ZYG11B: variants seen among roughly 807,000 people sequenced by gnomAD.
The protein encoded by ZYG11B is zyg-11 family member B, cell cycle regulator, also known as protein zyg-11 homolog B.
ZYG11B carries 36 observed loss-of-function variants against 82.4 expected under a neutral mutation model. The ratio of observed to expected loss-of-function variants is 0.44; its 90% CI spans 0.33 to 0.58. ZYG11B has a LOEUF of 0.58. ZYG11B is among the 20% of genes least tolerant of loss of function. The pLI is 0.02. For missense variants in ZYG11B, 552 were observed against 895.6 expected (o/e 0.62, Z 4.90); for synonymous variants, 303 against 312.8 (o/e 0.97, Z 0.33).
At position 52,823,746 on chromosome 1, in the gene ZYG11B, A is replaced by G. The variant is rs951673139; in HGVS notation, c.*2117A>G. 6.6e-6 allele frequency: 1 copy of G among 152,200 alleles called. No homozygotes were observed. Among genetic ancestry groups the G allele is most frequent in the Non-Finnish European group, 1.5e-5 (1 of 68,042 alleles). 9.4% of individuals were successfully genotyped at this position (152,200 alleles called of 1,614,324 possible). A position where few individuals can be genotyped will look rare whatever the true frequency, so the allele number is the denominator to read the frequency against. ...CTAATGCTAGGTTTTTGTCTTTACA[A>G]ATTATTTTCAGAAATGGCTAAAAGT... On this transcript the variant is annotated 3_prime_UTR_variant, in exon 14 of 14. Transcript: ENST00000294353.
At chr1:52,816,396 A>G in intron 12 of ZYG11B, 136 bp from the exon 13 acceptor site, 1 of 626,742 alleles carries the variant, frequency 1.6e-6, no homozygotes, top group Non-Finnish European at 2.8e-6. Context: ...CAAAGAAATG[A>G]TATTCTATAG....
chr1:52,757,835 A>G (rs12036764), intron 2 of ZYG11B, among the ~76,000 whole-genome samples: 15,991 of 152,124 alleles, frequency 0.11, 1,880 homozygotes, highest in East Asian at 0.35. Context: ...CTGAAAATCA[A>G]CTGGGAAGCT....
At chr1:52,815,858 C>T (rs1421550174) in intron 12 of ZYG11B, among the ~76,000 whole-genome samples, 2 of 151,876 alleles carry the variant, frequency 1.3e-5, no homozygotes, top group African/African-American at 4.8e-5. Context: ...TGCCGTGAAC[C>T]CAGGAGGCGG....
rs1645286673 is a variant in ZYG11B, at chr1:52,821,813, T to TTA, written c.*184_*185insTA. 2.1e-6 allele frequency: 1 copy of TTA among 484,014 alleles called. No homozygotes were observed. The highest frequency in any genetic ancestry group is 1.9e-5 in the African/African-American group (1 of 51,316). The allele number at this position is 484,014 out of a possible 1,614,324, so 30.0% of individuals were successfully genotyped here. On this transcript the variant is annotated 3_prime_UTR_variant, in exon 14 of 14. Coordinates refer to ENST00000294353, the MANE Select transcript of ZYG11B (RefSeq NM_024646.3). ...CTAATTTGTCTTGTGATTTTAAACT[T>TTA]ATGAGTCAAGAAGGGTCTCTTCCTT...
At chr1:52,728,293 G>A (rs1644301679) in intron 1 of ZYG11B, among the ~76,000 whole-genome samples, 1 of 152,174 alleles carries the variant, frequency 6.6e-6, no homozygotes, top group African/African-American at 2.4e-5. Context: ...ATCTTGCTCT[G>A]TGGCCCAGGC....
chr1:52,750,220 C>T (rs1558120723), intron 1 of ZYG11B, among the ~76,000 whole-genome samples: 1 of 151,660 alleles, frequency 6.6e-6, no homozygotes, highest in Admixed American at 6.6e-5. Flanking sequence ...GCCTCAGCCT[C>T]CCAAAATGCT....
chr1:52,811,751 C>G (rs186231787), intron 10 of ZYG11B, among the ~76,000 whole-genome samples: 168 of 152,066 alleles, frequency 1.1e-3, no homozygotes, highest in African/African-American at 3.9e-3. Context: ...TTTAGGTTGG[C>G]CAGGCGCGGT....
At chr1:52,767,361 A>G (rs1231508578) in intron 2 of ZYG11B, among the ~76,000 whole-genome samples, 2 of 151,554 alleles carry the variant, frequency 1.3e-5, no homozygotes, top group East Asian at 1.9e-4. Flanking sequence ...CCGGAGTGCA[A>G]TGGTGCGATC....
intron 8 of ZYG11B, among the ~76,000 whole-genome samples, chr1:52,800,235 C>T (rs1046893396): frequency 1.3e-5 from 2 of 148,372 alleles, no homozygotes; most frequent in Non-Finnish European, 3.0e-5. Context: ...ATAATTGTGT[C>T]ACTGCACTCC....
intron 2 of ZYG11B, among the ~76,000 whole-genome samples, chr1:52,759,351 ATAG>A (rs1644607162): frequency 6.6e-6 from 1 of 152,234 alleles, no homozygotes. Context: ...CTGCTAGCTA[ATAG>A]TAGTAGTTAA....
chr1:52,760,094 A>C (rs1644614623), intron 2 of ZYG11B, among the ~76,000 whole-genome samples: 3 of 152,104 alleles, frequency 2.0e-5, no homozygotes, highest in Admixed American at 2.0e-4. Context: ...AGGCCTTCGA[A>C]AGTGCTGGGA....
chr1:52,797,177 T>C (rs1449514884), intron 8 of ZYG11B, among the ~76,000 whole-genome samples: 4 of 79,164 alleles, frequency 5.1e-5, no homozygotes, highest in Non-Finnish European at 8.4e-5. Context: ...ATATTATATA[T>C]ATTTATATAT....
At chr1:52,762,983 G>T (rs944771926) in intron 2 of ZYG11B, among the ~76,000 whole-genome samples, 20 of 141,404 alleles carry the variant, frequency 1.4e-4, no homozygotes, top group East Asian at 1.4e-3. Flanking sequence ...GATTGGGGGG[G>T]GGGGGTCTAG....
chr1:52,760,997 A>G (rs1395713361), intron 2 of ZYG11B, among the ~76,000 whole-genome samples: 2 of 152,108 alleles, frequency 1.3e-5, no homozygotes, highest in Non-Finnish European at 2.9e-5. Context: ...TCCTGACATC[A>G]AATGATGCAC....
At chr1:52,804,327 C>T (rs1036382312) in intron 10 of ZYG11B, among the ~76,000 whole-genome samples, 8 of 151,842 alleles carry the variant, frequency 5.3e-5, no homozygotes, top group Non-Finnish European at 1.2e-4. Context: ...AGACTGCTTA[C>T]GAAGGCCGAG....
chr1:52,726,762 GC>G, intron 1 of ZYG11B, 79 bp downstream of exon 1: 2 of 1,348,794 alleles, frequency 1.5e-6, no homozygotes, highest in Admixed American at 3.4e-5. Flanking sequence ...CTGCGGTCTT[GC>G]CCCTCCCTGT....
intron 1 of ZYG11B, among the ~76,000 whole-genome samples, chr1:52,738,985 C>CTTTT (rs10643364): frequency 9.4e-6 from 1 of 106,280 alleles, no homozygotes; most frequent in Admixed American, 1.2e-4. Flanking sequence ...GCCCTGTAAC[C>CTTTT]TTTTTTTTTT....
chr1:52,753,912 C>T (rs1644548341), intron 1 of ZYG11B, among the ~76,000 whole-genome samples: 2 of 151,950 alleles, frequency 1.3e-5, no homozygotes, highest in Admixed American at 6.6e-5. Context: ...TGTATTTTTA[C>T]TAGAGACAGG....
intron 1 of ZYG11B, among the ~76,000 whole-genome samples, chr1:52,744,317 T>C (rs527533516): frequency 6.6e-6 from 1 of 152,204 alleles, no homozygotes; most frequent in African/African-American, 2.4e-5. Flanking sequence ...TACAGTAACA[T>C]GCTGTACAGG....
Sources: gnomAD v4.1 joint callset for allele counts (sites outside exome capture counted in the v4.1 genomes callset) on GRCh38, gnomAD v4.1.1 for gene constraint, MANE v1.5 for transcripts, NCBI Gene and HGNC (gene_info 2026-07-23, HGNC 2026-07-21) for gene names.